Variants in CLSPN observed in about 807,000 individuals in gnomAD.
CLSPN encodes claspin.
Under a neutral mutation model 156.3 loss-of-function variants are expected in CLSPN, and 85 were observed. That is an observed-to-expected ratio of 0.54 (90% CI 0.46 to 0.65). The LOEUF is 0.65. Ranked by LOEUF, CLSPN falls within the 30% of genes least tolerant of loss-of-function variation. The pLI is 0.00. For synonymous variants in CLSPN, 534 were observed against 542.4 expected, an observed-to-expected ratio of 0.98 and a Z score of 0.22; for missense variants, 1,407 against 1,554.9, an observed-to-expected ratio of 0.90 and a Z score of 1.60.
rs1406140214 is a variant in CLSPN, at chr1:35,743,458, A to G, written c.3039T>C (p.Asp1013=). The G allele has an allele frequency of 6.2e-7, 1 of 1,612,488 alleles. No homozygotes were observed. Among genetic ancestry groups the G allele is most frequent in the Non-Finnish European group, 8.5e-7 (1 of 1,178,564 alleles). The stretch of plus-strand genomic sequence containing the variant: ...ACTTTGTTCCCTTCATACTCACCTC[A>G]TCACTATCAAACTCATTATCATTTG... ...LVSNDNEFDS[D]EDEHSDSGND... Residue 1013 remains aspartate, a synonymous_variant, in exon 17 of 25, where the codon GAT becomes GAC. Transcript: ENST00000318121.
chr1:35,746,718 A>C lies in CLSPN; in HGVS notation c.2854+48T>G. On this transcript the variant is annotated intron_variant, in intron 15 of 24. Coordinates refer to ENST00000318121, the MANE Select transcript of CLSPN (RefSeq NM_022111.4). The surrounding 1 kb of genome is among the most constrained non-coding windows in gnomAD (Gnocchi z 4.2). ...CGCCCAGGGAATTCTTTTCAAGGGC[A>C]CTGATACTTGGGTGTGGTAAGCTTG... is the stretch of plus-strand genomic sequence containing the variant. 7.7e-7 allele frequency: 1 copy of C among 1,299,238 alleles called. No individual in the cohort carries two copies. Among genetic ancestry groups the C allele is most frequent in the South Asian group, 1.2e-5 (1 of 84,228 alleles). 80.5% of individuals were successfully genotyped at this position (1,299,238 alleles called of 1,614,324 possible).
Position 35,769,937 on chromosome 1 carries a change from C to A in CLSPN, c.-67G>T, listed in dbSNP as rs1642812846. 8 of 1,575,914 alleles carry A rather than the reference C, an allele frequency of 5.1e-6. No individual in the cohort carries two copies. The highest frequency in any genetic ancestry group is 6.1e-6 in the Non-Finnish European group (7 of 1,154,886). On this transcript the variant is annotated 5_prime_UTR_variant, in exon 1 of 25. Transcript: ENST00000318121. The stretch of plus-strand genomic sequence containing the variant: ...TCTGATTCCCTCAGCCGGAGAGCAG[C>A]GGCTCCCGCCGTCTCCAGCCCAGCA...
intron 1 of CLSPN, among the ~76,000 whole-genome samples, chr1:35,769,131 T>A (rs532211216): frequency 1.3e-5 from 2 of 152,220 alleles, no homozygotes; most frequent in African/African-American, 4.8e-5. Context: ...AGTTTTTGCA[T>A]TAATTTTGGT....
At position 35,760,520 on chromosome 1, in the gene CLSPN, T is replaced by C. The variant is rs1557520798; in HGVS notation, c.1401A>G (p.Thr467=). ...GCTCAGGCTCTTCCACTTTCTCATCTGTTTCTTCTGGATTTTGGGGGCCTT... is the reference window on the plus strand; with the variant it reads ...GCTCAGGCTCTTCCACTTTCTCATCCGTTTCTTCTGGATTTTGGGGGCCTT... ...EGEGPQNPEE[T]DEKVEEPEQQ... is the part of the protein sequence containing the mutation. The change falls in exon 8 of 25, where the codon ACA becomes ACG. Residue 467 remains threonine, a synonymous_variant. Coordinates refer to ENST00000318121, the MANE Select transcript of CLSPN (RefSeq NM_022111.4). The C allele has an allele frequency of 1.2e-6, 2 of 1,614,248 alleles. No homozygotes were observed. The highest frequency in any genetic ancestry group is 1.7e-5 in the Admixed American group (1 of 60,030).
At chr1:35,722,138 C>CAA (rs34909122) in intron 24 of CLSPN, among the ~76,000 whole-genome samples, 2 of 131,704 alleles carry the variant, frequency 1.5e-5, no homozygotes, top group East Asian at 2.2e-4. Flanking sequence ...GACCCTGTCT[C>CAA]AAAAAAAAAA....
In CLSPN at chr1:35,769,876, C is replaced by A. The variant is rs749477462; in HGVS notation, c.-6G>T. 1 of 1,609,938 alleles carries A rather than the reference C, an allele frequency of 6.2e-7. No homozygotes were observed. Among genetic ancestry groups the A allele is most frequent in the Middle Eastern group, 1.7e-4 (1 of 6,058 alleles). On this transcript the variant is annotated 5_prime_UTR_variant, in exon 1 of 25. Transcript: ENST00000318121. Reference sequence around the variant, plus strand: ...GAACCCACCTCGCCTGTCATGACTTCTGCCTCCCCTGCGCTCCACTAGGGA... The same window carrying A: ...GAACCCACCTCGCCTGTCATGACTTATGCCTCCCCTGCGCTCCACTAGGGA...
At position 35,748,433 on chromosome 1, in the gene CLSPN, C is replaced by T. The variant is rs779539455; in HGVS notation, c.2444G>A (p.Arg815Gln). Reference protein sequence around the residue: ...GFRSPSPGLFRASLVSSASKS... With the variant: ...GFRSPSPGLFQASLVSSASKS... The stretch of plus-strand genomic sequence containing the variant: ...AGAAGCTGAGCTGACCAAACTGGCT[C>T]GAAATAGCCCAGGGGAAGGAGATCT... The change falls in exon 13 of 25, where the codon CGA (arginine) becomes CAA (glutamine). Residue 815 changes from arginine to glutamine, a missense_variant. Transcript: ENST00000318121. 2.5e-6 allele frequency: 4 copies of T among 1,613,812 alleles called. No homozygotes were observed. The highest frequency in any genetic ancestry group is 1.7e-5 in the Admixed American group (1 of 59,968).
At chr1:35,762,318 G>C (rs537350365) in intron 5 of CLSPN, 86 bp downstream of exon 5, 2 of 1,226,728 alleles carry the variant, frequency 1.6e-6, no homozygotes, top group East Asian at 2.4e-5. Context: ...AAATATGATA[G>C]ACAAAATAAA....
At chr1:35,722,455 GACC>G (rs760523750) in intron 24 of CLSPN, among the ~76,000 whole-genome samples, 123 of 151,994 alleles carry the variant, frequency 8.1e-4, no homozygotes, top group Non-Finnish European at 6.6e-4. Context: ...TCACCATGTT[GACC>G]AGGCTGGTCT....
At position 35,734,690 on chromosome 1, in the gene CLSPN, AG is replaced by A. The variant is rs762025593; in HGVS notation, c.*1805del. ...CAGCCTATGTCTCAAAAAAAAAAAA[AG>A]AAAAGAAAAGAAAAGAAAAAGAAAA... On this transcript the variant is annotated 3_prime_UTR_variant, in exon 25 of 25. Coordinates refer to ENST00000318121, the MANE Select transcript of CLSPN (RefSeq NM_022111.4). The A allele has an allele frequency of 3.0e-5, 14 of 473,464 alleles. No individual in the cohort carries two copies. The highest frequency in any genetic ancestry group is 2.9e-5 in the Non-Finnish European group (11 of 374,160). The allele number at this position is 473,464 out of a possible 1,614,324, so 29.3% of individuals were successfully genotyped here.
chr1:35,760,225 G>T, intron 8 of CLSPN, 117 bp downstream of exon 8: 2 of 756,912 alleles, frequency 2.6e-6, no homozygotes, highest in Non-Finnish European at 4.2e-6. Context: ...ACAACTGCAG[G>T]ATAAGATCAA....
At position 35,751,520 on chromosome 1, in the gene CLSPN, T is replaced by A. The variant is rs369039680; in HGVS notation, c.1772-14A>T. 1.5e-5 allele frequency: 24 copies of A among 1,608,552 alleles called. No homozygotes were observed. Among genetic ancestry groups the A allele is most frequent in the Middle Eastern group, 3.3e-4 (2 of 6,056 alleles). ...GAAGCTTTTCACCTGAACAGAAATA[T>A]GTAGAAATGCTTTAGACATAATACA... On this transcript the variant is annotated splice_polypyrimidine_tract_variant and intron_variant, in intron 9 of 24. Transcript: ENST00000318121.
At position 35,743,135 on chromosome 1, in the gene CLSPN, ACGTACATTTGC is replaced by A. The variant is rs751511317; in HGVS notation, c.3138_3143+5del. ...CTGAAGGAATGGACATATTAATAAC[ACGTACATTTGC>A]CTTTTCAACTTCTCAGATCGCTTCA... On this transcript the variant is annotated splice_donor_variant and splice_donor_5th_base_variant and coding_sequence_variant and intron_variant, in exon 18 of 25. Coordinates refer to ENST00000318121, the MANE Select transcript of CLSPN (RefSeq NM_022111.4). LOFTEE classifies it high-confidence loss of function. 1 of 1,609,190 alleles carries A rather than the reference ACGTACATTTGC, an allele frequency of 6.2e-7. No individual in the cohort carries two copies. The highest frequency in any genetic ancestry group is 8.5e-7 in the Non-Finnish European group (1 of 1,175,770).
rs746365144 is a variant in CLSPN, at chr1:35,736,939, G to A, written c.3884C>T (p.Ala1295Val). 13 of 1,613,934 alleles carry A rather than the reference G, an allele frequency of 8.1e-6. No homozygotes were observed. The African/African-American group carries it at 1.2e-4, about 15-fold the overall frequency. ...FHTLSPVKAE[A>V]AKESSKSQVK... ...CTGAGACTTAGACGATTCCTTTGCC[G>A]CCTCAGCCTTGACAGGAGAAAGTGT... is the stretch of plus-strand genomic sequence containing the variant. The change falls in exon 24 of 25, where the codon GCG becomes GTG. Residue 1295 changes from alanine to valine, a missense_variant. Ala to Val is a moderately conservative substitution (Grantham distance 64). Coordinates refer to ENST00000318121, the MANE Select transcript of CLSPN (RefSeq NM_022111.4).
At chr1:35,743,855 C>T (rs1641781804) in intron 16 of CLSPN, among the ~76,000 whole-genome samples, 1 of 152,140 alleles carries the variant, frequency 6.6e-6, no homozygotes, top group Non-Finnish European at 1.5e-5. Context: ...TTTCTGGATT[C>T]AAGCAATCTG....
Position 35,764,708 on chromosome 1 carries a change from T to A in CLSPN, c.140A>T (p.Asp47Val). Residue 47 changes from aspartate (D) to valine (V), a missense_variant, in exon 3 of 25, where the codon GAT (aspartate) becomes GTT (valine). Asp to Val is a radical substitution (Grantham distance 152). Coordinates refer to ENST00000318121, the MANE Select transcript of CLSPN (RefSeq NM_022111.4). ...TIGPLSEGDS[D>V]EEIFVSKKLK... ...CTTCTTACTTACAAATATCTCTTCA[T>A]CTGAATCTGGAGGAAACAATTTTCT... 1 of 1,567,864 alleles carries A rather than the reference T, an allele frequency of 6.4e-7. No homozygotes were observed. Among genetic ancestry groups the A allele is most frequent in the African/African-American group, 1.4e-5 (1 of 72,562 alleles).
At chr1:35,744,501 A>T (rs1046273559) in intron 16 of CLSPN, among the ~76,000 whole-genome samples, 2 of 152,034 alleles carry the variant, frequency 1.3e-5, no homozygotes. Flanking sequence ...TTGCCATATT[A>T]TCCAGGCTGG....
In CLSPN at chr1:35,735,031, G is replaced by A; in HGVS notation, c.*1465C>T. 2 of 985,358 alleles carry A rather than the reference G, an allele frequency of 2.0e-6. No homozygotes were observed. The highest frequency in any genetic ancestry group is 1.7e-5 in the African/African-American group (1 of 57,344). 61.0% of individuals were successfully genotyped at this position (985,358 alleles called of 1,614,324 possible). On this transcript the variant is annotated 3_prime_UTR_variant, in exon 25 of 25. Coordinates refer to ENST00000318121, the MANE Select transcript of CLSPN (RefSeq NM_022111.4). Reference sequence around the variant, plus strand: ...CTTCTCTCAAAATTAGTAATGAAATGCTGAAATGTCCATTGATTAGTGAGG... The same window carrying A: ...CTTCTCTCAAAATTAGTAATGAAATACTGAAATGTCCATTGATTAGTGAGG...
Position 35,739,477 on chromosome 1 carries a change from C to T in CLSPN, c.3196G>A (p.Gly1066Arg). 1.2e-6 allele frequency: 2 copies of T among 1,614,080 alleles called. No individual in the cohort carries two copies. The highest frequency in any genetic ancestry group is 1.7e-6 in the Non-Finnish European group (2 of 1,179,990). The change falls in exon 19 of 25, where the codon GGA becomes AGA. Residue 1066 changes from glycine to arginine, a missense_variant. Physicochemically the swap from Gly to Arg is moderately radical, Grantham distance 125 (BLOSUM62 -2). Transcript: ENST00000318121. ...DEAEVSGSDV[G>R]SEDEYDGEEI... ...TCCCCATCATACTCATCTTCGCTTC[C>T]CACATCACTTCCTGACACCTCTGCC...
Sources: allele counts gnomAD v4.1 joint callset (sites outside exome capture counted in the v4.1 genomes callset), GRCh38; gene constraint gnomAD v4.1.1; non-coding constraint Gnocchi (gnomAD v3.1); transcripts MANE v1.5; gene names NCBI Gene and HGNC (gene_info 2026-07-23, HGNC 2026-07-21).